KMT2D: variants seen among roughly 807,000 people sequenced by gnomAD.
KMT2D encodes lysine methyltransferase 2D, also known as histone-lysine N-methyltransferase 2D.
KMT2D carries 55 observed loss-of-function variants against 512.7 expected under a neutral mutation model. The observed-to-expected ratio is 0.11, with a 90% confidence interval of 0.09 to 0.13. KMT2D has a LOEUF of 0.13. Among genes scored for constraint, KMT2D ranks in the 10% least tolerant of loss-of-function variants. KMT2D has a pLI of 1.00. For missense variants in KMT2D, 6,061 were observed against 7,127.9 expected, an observed-to-expected ratio of 0.85 and a Z score of 5.39; for synonymous variants, 2,995 against 2,904.0, an observed-to-expected ratio of 1.03 and a Z score of -1.01.
rs746484728 is a variant in KMT2D, at chr12:49,027,999, C to A, written c.14515+10G>T. Reference sequence around the variant, plus strand: ...CCTCAAGTCCCAAAGGGCTTCCCTGCCACACTCACCAGGACCCTCAGCTTC... The same window carrying A: ...CCTCAAGTCCCAAAGGGCTTCCCTGACACACTCACCAGGACCCTCAGCTTC... On this transcript the variant is annotated intron_variant, in intron 47 of 54. Transcript: ENST00000301067. 1 of 1,613,482 alleles carries A rather than the reference C, an allele frequency of 6.2e-7. No individual in the cohort carries two copies. The highest frequency in any genetic ancestry group is 1.1e-5 in the South Asian group (1 of 91,054).
Position 49,037,541 on chromosome 12 carries a change from G to A in KMT2D, c.9815C>T (p.Pro3272Leu), listed in dbSNP as rs2120481295. 1.3e-6 allele frequency: 2 copies of A among 1,554,270 alleles called. No homozygotes were observed. The highest frequency in any genetic ancestry group is 1.7e-6 in the Non-Finnish European group (2 of 1,148,674). ...KKQQLSAQLQPAQQQQQQQQQ... is the reference protein window; with the variant it reads ...KKQQLSAQLQLAQQQQQQQQQ... ...CTGCTGTTGCTGCTGCTGCTGGGCAGGCTGCAACTGTGCTGAAAGCTGCTG... is the reference window on the plus strand; with the variant it reads ...CTGCTGTTGCTGCTGCTGCTGGGCAAGCTGCAACTGTGCTGAAAGCTGCTG... Residue 3272 changes from proline (P) to leucine (L), a missense_variant, in exon 35 of 55, where the codon CCT (proline) becomes CTT (leucine). Pro to Leu is a moderately conservative substitution (Grantham distance 98). Coordinates refer to ENST00000301067, the MANE Select transcript of KMT2D (RefSeq NM_003482.4).
chr12:49,036,289 G>GA (rs1943211355), intron 35 of KMT2D, among the ~76,000 whole-genome samples: 1 of 149,754 alleles, frequency 6.7e-6, no homozygotes, highest in Non-Finnish European at 1.5e-5. Flanking sequence ...CAGCCTCAAT[G>GA]AACTTTTTCA....
Position 49,050,500 on chromosome 12 carries a change from G to A in KMT2D, c.3088C>T (p.His1030Tyr), listed in dbSNP as rs752016184. The A allele has an allele frequency of 6.2e-7, 1 of 1,612,932 alleles. No homozygotes were observed. The highest frequency in any genetic ancestry group is 2.2e-5 in the East Asian group (1 of 44,850). ...LPPQCSPLLQ[H>Y]SLVPQNSPPS... is the part of the protein sequence containing the mutation. Reference sequence around the variant, plus strand: ...GGGGAGTTTTGGGGAACCAGGGAATGCTGAAGGAGTGGCGAACACTGAGGA... The same window carrying A: ...GGGGAGTTTTGGGGAACCAGGGAATACTGAAGGAGTGGCGAACACTGAGGA... The change falls in exon 12 of 55, where the codon CAT becomes TAT. Residue 1030 changes from histidine (H) to tyrosine (Y), a missense_variant. Transcript: ENST00000301067.
Position 49,033,279 on chromosome 12 carries a change from A to G in KMT2D, c.11426T>C (p.Val3809Ala), listed in dbSNP as rs1427628419. ...AGCTCCAGGGTGCTGCTGCTGCAACACAGCCACCTGGGCAGGGCCCAGCAT... is the reference window on the plus strand; with the variant it reads ...AGCTCCAGGGTGCTGCTGCTGCAACGCAGCCACCTGGGCAGGGCCCAGCAT... Reference protein sequence around the residue: ...QGMLGPAQVAVLQQQHPGALG... With the variant: ...QGMLGPAQVAALQQQHPGALG... The change falls in exon 40 of 55, where the codon GTG becomes GCG. Residue 3809 changes from valine (V) to alanine (A), a missense_variant. Around this residue, in one of 16 missense-constraint regions of KMT2D, gnomAD observed 1,600 missense variants for 1,754.9 expected, o/e 0.91. Coordinates refer to ENST00000301067, the MANE Select transcript of KMT2D (RefSeq NM_003482.4). 6.4e-7 allele frequency: 1 copy of G among 1,572,826 alleles called. No individual in the cohort carries two copies. The highest frequency in any genetic ancestry group is 8.6e-7 in the Non-Finnish European group (1 of 1,159,020).
At chr12:49,035,338 T>G (rs779710587) in intron 35 of KMT2D, among the ~76,000 whole-genome samples, 3 of 152,190 alleles carry the variant, frequency 2.0e-5, no homozygotes, top group African/African-American at 7.2e-5. Context: ...TTAGTCCAAC[T>G]AGCACAGCCC....
Position 49,026,034 on chromosome 12 carries a change from G to GTT in KMT2D, c.15784+146_15784+147dup. ...AGAGGCTCAAACACTTTCACTGGGA[G>GTT]TTTTCAAGAGACCCCCTGCCTGCCT... On this transcript the variant is annotated intron_variant, in intron 49 of 54. Coordinates refer to ENST00000301067, the MANE Select transcript of KMT2D (RefSeq NM_003482.4). This position sits in a 1 kb window ranked among gnomAD's most constrained non-coding sequence, Gnocchi z 9.6. 1.4e-6 allele frequency: 1 copy of GTT among 708,708 alleles called. No homozygotes were observed. The highest frequency in any genetic ancestry group is 2.3e-5 in the South Asian group (1 of 43,124). The allele number at this position is 708,708 out of a possible 1,614,324, so 43.9% of individuals were successfully genotyped here.
At position 49,039,461 on chromosome 12, in the gene KMT2D, C is replaced by A. The variant is rs755221215; in HGVS notation, c.8203G>T (p.Gly2735Cys). The change falls in exon 33 of 55, where the codon GGC becomes TGC. Residue 2735 changes from glycine to cysteine, a missense_variant. Physicochemically the swap from Gly to Cys is radical, Grantham distance 159. Coordinates refer to ENST00000301067, the MANE Select transcript of KMT2D (RefSeq NM_003482.4). The surrounding 1 kb of genome is among the most constrained non-coding windows in gnomAD (Gnocchi z 5.0). ...TGTGTCCCAGCAAAGGGGGTCTGGC[C>A]TCGACTCAGCTGCTCAAAGGCAGGG... is the stretch of plus-strand genomic sequence containing the variant. ...SSPAFEQLSR[G>C]QTPFAGTQDK... The A allele has an allele frequency of 3.1e-6, 5 of 1,603,326 alleles. No individual in the cohort carries two copies. The highest frequency in any genetic ancestry group is 3.4e-5 in the Admixed American group (2 of 59,032).
rs1281537769 is a variant in KMT2D, at chr12:49,032,292, G to A, written c.12413C>T (p.Ser4138Phe). 1.2e-6 allele frequency: 2 copies of A among 1,613,830 alleles called. No homozygotes were observed. Among genetic ancestry groups the A allele is most frequent in the Non-Finnish European group, 8.5e-7 (1 of 1,179,870 alleles). The change falls in exon 40 of 55, where the codon TCT (serine) becomes TTT (phenylalanine). Residue 4138 changes from serine (S) to phenylalanine (F), a missense_variant. Transcript: ENST00000301067. Reference sequence around the variant, plus strand: ...CCCAGGCTGATCCCCTAAGGAAACAGAGGGCTGAGCCAGCAGGTGGGGCAC... The same window carrying A: ...CCCAGGCTGATCCCCTAAGGAAACAAAGGGCTGAGCCAGCAGGTGGGGCAC... ...SSVPHLLAQPSVSLGDQPGSM... is the reference protein window; with the variant it reads ...SSVPHLLAQPFVSLGDQPGSM...
At chr12:49,035,030 G>T (rs2120463641) in intron 35 of KMT2D, 95 bp from the exon 36 acceptor site, 1 of 1,492,994 alleles carries the variant, frequency 6.7e-7, no homozygotes, top group Non-Finnish European at 9.2e-7. Context: ...AACCACGCCA[G>T]GCAGAACAAT....
chr12:49,031,396 C>G lies in KMT2D; in HGVS notation c.13309G>C (p.Gly4437Arg), dbSNP rs943166162. The change falls in exon 40 of 55, where the codon GGG becomes CGG. Residue 4437 changes from glycine (G) to arginine (R), a missense_variant. Physicochemically the swap from Gly to Arg is moderately radical, Grantham distance 125 (BLOSUM62 -2). Transcript: ENST00000301067. ...GAQSVKREANGEPIGAPGTSN... is the reference protein window; with the variant it reads ...GAQSVKREANREPIGAPGTSN... ...GTTCCTGGTGCCCCTATTGGCTCCC[C>G]ATTGGCCTCCCTCTTCACTGACTGG... 6.2e-7 allele frequency: 1 copy of G among 1,613,682 alleles called. No homozygotes were observed. Among genetic ancestry groups the G allele is most frequent in the South Asian group, 1.1e-5 (1 of 91,082 alleles).
Position 49,049,877 on chromosome 12 carries a change from G to T in KMT2D, c.3711C>A (p.Ser1237=). The change falls in exon 12 of 55, where the codon TCC becomes TCA. Residue 1237 remains serine (S), a synonymous_variant. Coordinates refer to ENST00000301067, the MANE Select transcript of KMT2D (RefSeq NM_003482.4). The part of the protein sequence containing the change: ...LGSPDPEGGG[S]LSMELGVSTD... ...TAGAGACCCCCAACTCCATGGACAGGGAGCCACCCCCCTCCGGGTCTGGAG... is the reference window on the plus strand; with the variant it reads ...TAGAGACCCCCAACTCCATGGACAGTGAGCCACCCCCCTCCGGGTCTGGAG... The T allele has an allele frequency of 6.2e-7, 1 of 1,613,882 alleles. No individual in the cohort carries two copies. The highest frequency in any genetic ancestry group is 8.5e-7 in the Non-Finnish European group (1 of 1,179,876).
At position 49,026,272 on chromosome 12, in the gene KMT2D, T is replaced by C. The variant is rs199593058; in HGVS notation, c.15694A>G (p.Ile5232Val). Residue 5232 changes from isoleucine to valine, a missense_variant, in exon 49 of 55, where the codon ATT becomes GTT. Around this residue, in one of 16 missense-constraint regions of KMT2D, gnomAD observed 261 missense variants for 440.7 expected, o/e 0.59. Transcript: ENST00000301067. The surrounding 1 kb of genome is among the most constrained non-coding windows in gnomAD (Gnocchi z 9.6). ...NNRRCCYRCS[I>V]GENNGRPEFV... ...TCCGGCCGCCCGTTGTTCTCACCAA[T>C]AGAACAGCGATAGCAGCAGCGACGA... is the stretch of plus-strand genomic sequence containing the variant. 312 of 1,611,050 alleles carry C rather than the reference T, an allele frequency of 1.9e-4. No homozygotes were observed. Among genetic ancestry groups the C allele is most frequent in the Non-Finnish European group, 2.4e-4 (278 of 1,177,472 alleles).
In KMT2D at chr12:49,052,702, G is replaced by A. The variant is rs202013880; in HGVS notation, c.1120C>T (p.Pro374Ser). Reference protein sequence around the residue: ...QHTPVCSRFSPPEPGDTPTDE... With the variant: ...QHTPVCSRFSSPEPGDTPTDE... ...GTGGGGGTATCGCCAGGCTCTGGGG[G>A]TGAAAATCTGCAGAGGGTACAGGGG... Residue 374 changes from proline to serine, a missense_variant, in exon 10 of 55, where the codon CCC becomes TCC. Pro to Ser is a moderately conservative substitution (Grantham distance 74). This residue lies in a region of KMT2D where 848 missense variants were observed against 838.5 expected (regional missense o/e 1.01). Coordinates refer to ENST00000301067, the MANE Select transcript of KMT2D (RefSeq NM_003482.4). 6 of 1,613,500 alleles carry A rather than the reference G, an allele frequency of 3.7e-6. No homozygotes were observed. Among genetic ancestry groups the A allele is most frequent in the South Asian group, 2.2e-5 (2 of 91,074 alleles).
Position 49,031,964 on chromosome 12 carries a change from C to T in KMT2D, c.12741G>A (p.Gly4247=). Residue 4247 remains glycine (G), a synonymous_variant, in exon 40 of 55, where the codon GGG becomes GGA. Coordinates refer to ENST00000301067, the MANE Select transcript of KMT2D (RefSeq NM_003482.4). Reference sequence around the variant, plus strand: ...GGCCCTGGAGGGGAGAGGTCTGGGTCCCAGGCTCCTGGTAGGGTGGGGTCT... The same window carrying T: ...GGCCCTGGAGGGGAGAGGTCTGGGTTCCAGGCTCCTGGTAGGGTGGGGTCT... The part of the protein sequence containing the change: ...VRQTPPYQEP[G]TQTSPLQGLL... 6.4e-7 allele frequency: 1 copy of T among 1,567,230 alleles called. No homozygotes were observed. The highest frequency in any genetic ancestry group is 8.7e-7 in the Non-Finnish European group (1 of 1,154,490).
In KMT2D at chr12:49,051,904, T is replaced by G. The variant is rs886042877; in HGVS notation, c.1779A>C (p.Pro593=). Residue 593 remains proline, a synonymous_variant, in exon 11 of 55, where the codon CCA becomes CCC. Transcript: ENST00000301067. ...PPPEESPMSP[P]PEASRLFPPF... Reference sequence around the variant, plus strand: ...GTGGGAACAGACGAGATGCCTCCGGTGGTGGAGACATGGGTGACTCTTCAG... The same window carrying G: ...GTGGGAACAGACGAGATGCCTCCGGGGGTGGAGACATGGGTGACTCTTCAG... The G allele has an allele frequency of 6.2e-7, 1 of 1,610,862 alleles. No individual in the cohort carries two copies. The highest frequency in any genetic ancestry group is 8.5e-7 in the Non-Finnish European group (1 of 1,179,166).
rs765610865 is a variant in KMT2D, at chr12:49,040,535, G to A, written c.7235C>T (p.Pro2412Leu). Residue 2412 changes from proline to leucine, a missense_variant, in exon 32 of 55, where the codon CCT becomes CTT. Physicochemically the swap from Pro to Leu is moderately conservative, Grantham distance 98. Coordinates refer to ENST00000301067, the MANE Select transcript of KMT2D (RefSeq NM_003482.4). ...SLPSDPFSRV[P>L]ASPQSQSSSQ... ...GCTGGACTGGGACTGAGGACTGGCA[G>A]GCACTCGGGAGAAAGGGTCGGAGGG... The A allele has an allele frequency of 3.1e-6, 5 of 1,605,254 alleles. No homozygotes were observed. The African/African-American group carries it at 6.7e-5, about 21-fold the overall frequency.
Position 49,050,432 on chromosome 12 carries a change from G to A in KMT2D, c.3156C>T (p.Pro1052=), listed in dbSNP as rs770342892. The change falls in exon 12 of 55, where the codon CCC becomes CCT. Residue 1052 remains proline (P), a synonymous_variant. Coordinates refer to ENST00000301067, the MANE Select transcript of KMT2D (RefSeq NM_003482.4). ...CSPPALPLSV[P]SPLSPIGKVV... ...CCTTCCCTATGGGACTCAACGGGGA[G>A]GGAACGGACAGTGGTAGGGCAGGAG... is the stretch of plus-strand genomic sequence containing the variant. 7 of 1,613,994 alleles carry A rather than the reference G, an allele frequency of 4.3e-6. No individual in the cohort carries two copies. In the Admixed American group the frequency reaches 1.2e-4, roughly 27 times the overall value.
At position 49,034,657 on chromosome 12, in the gene KMT2D, C is replaced by G; in HGVS notation, c.10365G>C (p.Val3455=). Residue 3455 remains valine (V), a synonymous_variant, in exon 37 of 55, where the codon GTG becomes GTC. Transcript: ENST00000301067. ...GVAPGMNRQQ[V]SLLAQRLSGG... ...CCGAGAGCCTCTGGGCTAGCAGAGA[C>G]ACTTGCTGTCTGGAGTCCACCAAAG... 6.2e-7 allele frequency: 1 copy of G among 1,613,154 alleles called. No homozygotes were observed. Among genetic ancestry groups the G allele is most frequent in the Admixed American group, 1.7e-5 (1 of 59,890 alleles).
rs370624937 is a variant in KMT2D, at chr12:49,046,229, G to C, written c.4583+31C>G. The stretch of plus-strand genomic sequence containing the variant: ...TCAGGCAATGCGAGGCTGGCAACAG[G>C]GCCAAAGTGAGGAGAAAGGGATGTT... On this transcript the variant is annotated intron_variant, in intron 17 of 54. Transcript: ENST00000301067. This position sits in a 1 kb window ranked among gnomAD's most constrained non-coding sequence, Gnocchi z 4.2. 6.9e-5 allele frequency: 112 copies of C among 1,613,634 alleles called. No homozygotes were observed. The highest frequency in any genetic ancestry group is 3.3e-4 in the Admixed American group (20 of 59,954).
Sources: gnomAD v4.1 joint callset for allele counts (sites outside exome capture counted in the v4.1 genomes callset) on GRCh38, gnomAD v4.1.1 for gene constraint, gnomAD v4.1.1 regional missense constraint, Gnocchi (gnomAD v3.1) non-coding constraint, MANE v1.5 for transcripts, NCBI Gene and HGNC (gene_info 2026-07-23, HGNC 2026-07-21) for gene names.